PSD3: variants seen among roughly 807,000 people sequenced by gnomAD.
PSD3 encodes the protein pleckstrin and Sec7 domain containing 3, also known as PH and SEC7 domain-containing protein 3.
Under a neutral mutation model 105.5 loss-of-function variants are expected in PSD3, and 49 were observed. The observed-to-expected ratio is 0.46, with a 90% CI of 0.37 to 0.59. PSD3 has a LOEUF of 0.59. Ranked by LOEUF, PSD3 falls within the 20% of genes least tolerant of loss-of-function variation. The pLI is 0.00. For synonymous variants in PSD3, 557 were observed against 457.8 expected (o/e 1.22, Z -2.77); for missense variants, 1,561 against 1,263.8 (o/e 1.24, Z -3.57).
rs1371630122 is a variant in PSD3, at chr8:18,804,943, T to A, written c.1635-45A>T. On this transcript the variant is annotated intron_variant, in intron 4 of 15. Transcript: ENST00000327040. ...GAGAAAATAATAGATTTTTCTTATATGGCAAAAAGGAAAATATCTGATGAA... is the reference window on the plus strand; with the variant it reads ...GAGAAAATAATAGATTTTTCTTATAAGGCAAAAAGGAAAATATCTGATGAA... 2.1e-6 allele frequency: 3 copies of A among 1,440,260 alleles called. No individual in the cohort carries two copies. In the South Asian group the frequency reaches 3.9e-5, roughly 18 times the overall value. The allele number at this position is 1,440,260 out of a possible 1,614,324, so 89.2% of individuals were successfully genotyped here. A position where few individuals can be genotyped will look rare whatever the true frequency, so the allele number is the denominator to read the frequency against.
At chr8:18,757,604 A>G (rs959907622) in intron 9 of PSD3, among the ~76,000 whole-genome samples, 1 of 152,244 alleles carries the variant, frequency 6.6e-6, no homozygotes, top group African/African-American at 2.4e-5. Context: ...AGGAAGCTCT[A>G]AATAATTCAA....
In PSD3 at chr8:18,913,120, CACACT is replaced by C. The variant is rs1381850514; in HGVS notation, c.130+22909_130+22913del. Among the ~76,000 whole-genome samples the C allele has an allele frequency of 8.0e-4, 110 of 138,204 alleles. 1 individual carries two copies. The South Asian group carries it at 0.015, about 18-fold the overall frequency. The allele number at this position is 138,204 out of a possible 152,430, so 90.7% of individuals were successfully genotyped here. A position where few individuals can be genotyped will look rare whatever the true frequency, so the allele number is the denominator to read the frequency against. On this transcript the variant is annotated intron_variant, in intron 2 of 15. Transcript: ENST00000327040. ...ACACACACACACACACACACACACACACACTCTCCTTCTCCTATTTCAATGCATTC... is the reference window on the plus strand; with the variant it reads ...ACACACACACACACACACACACACACCTCCTTCTCCTATTTCAATGCATTC...
chr8:18,991,168 A>G (rs1378652485), intron 1 of PSD3, among the ~76,000 whole-genome samples: 3 of 152,146 alleles, frequency 2.0e-5, no homozygotes, highest in African/African-American at 4.8e-5. Flanking sequence ...TAGCAAGTCA[A>G]ATTTAATACT....
chr8:18,885,921 G>GT (rs1563384833), intron 2 of PSD3, among the ~76,000 whole-genome samples: 1 of 152,142 alleles, frequency 6.6e-6, no homozygotes, highest in Non-Finnish European at 1.5e-5. Context: ...CTCAACTAGC[G>GT]TGTTTCCAGA....
chr8:18,902,547 T>G (rs1819572337), intron 2 of PSD3, among the ~76,000 whole-genome samples: 1 of 152,214 alleles, frequency 6.6e-6, no homozygotes, highest in South Asian at 2.1e-4. Flanking sequence ...TGGTGTCATA[T>G]TTCCTTGCCT....
intron 8 of PSD3, among the ~76,000 whole-genome samples, chr8:18,765,949 C>T (rs1806954475): frequency 6.9e-6 from 1 of 144,568 alleles, no homozygotes; most frequent in African/African-American, 2.5e-5. Context: ...GCGTGGGTGA[C>T]AGAGCGAGAC....
In PSD3 at chr8:18,930,829, A is replaced by T. The variant is rs6990508; in HGVS notation, c.130+5205T>A. ...GTGATCTGCCCGACTTGGCCTCCCA[A>T]AGTGCTGGGATTACAGGCATGAGCC... On this transcript the variant is annotated intron_variant, in intron 2 of 15. Coordinates refer to ENST00000327040, the MANE Select transcript of PSD3 (RefSeq NM_015310.4). Among the ~76,000 whole-genome samples, 663 of 152,172 alleles carry T rather than the reference A, an allele frequency of 4.4e-3. 5 individuals carry two copies. Among genetic ancestry groups the T allele is most frequent in the African/African-American group, 0.015 (631 of 41,520 alleles).
chr8:18,883,141 G>C (rs1291205200), intron 2 of PSD3, among the ~76,000 whole-genome samples: 3 of 152,090 alleles, frequency 2.0e-5, no homozygotes, highest in Non-Finnish European at 4.4e-5. Flanking sequence ...GAGAATCCCA[G>C]AGGATTTGTA....
At chr8:18,895,725 CAT>C (rs1819104456) in intron 2 of PSD3, among the ~76,000 whole-genome samples, 1 of 152,176 alleles carries the variant, frequency 6.6e-6, no homozygotes, top group African/African-American at 2.4e-5. Flanking sequence ...TTTCCACACA[CAT>C]ATATGATGTG....
chr8:18,681,375 G>A (rs1471059359), intron 9 of PSD3, among the ~76,000 whole-genome samples: 15 of 150,770 alleles, frequency 9.9e-5, no homozygotes, highest in African/African-American at 3.4e-4. Context: ...GGGAGGCAGA[G>A]GTGGAAGGAC....
chr8:18,991,510 T>C (rs1056550045), intron 1 of PSD3, among the ~76,000 whole-genome samples: 1 of 152,054 alleles, frequency 6.6e-6, no homozygotes, highest in Non-Finnish European at 1.5e-5. Flanking sequence ...CTTTTATTGA[T>C]AGCTGAACCA....
At position 18,831,235 on chromosome 8, in the gene PSD3, G is replaced by C. The variant is rs151085940; in HGVS notation, c.1635-26337C>G. Among the ~76,000 whole-genome samples, 478 of 152,314 alleles carry C rather than the reference G, an allele frequency of 3.1e-3. 3 individuals are homozygous for C. The highest frequency in any genetic ancestry group is 0.011 in the African/African-American group (468 of 41,568). On this transcript the variant is annotated intron_variant, in intron 4 of 15. Coordinates refer to ENST00000327040, the MANE Select transcript of PSD3 (RefSeq NM_015310.4). ...ACATCTCAGCTTCCTCATCTGTAAA[G>C]TGAAAGTATTAAATACACACCCTTC... is the stretch of plus-strand genomic sequence containing the variant.
At chr8:18,944,247 C>T (rs1822724884) in intron 1 of PSD3, among the ~76,000 whole-genome samples, 1 of 152,152 alleles carries the variant, frequency 6.6e-6, no homozygotes, top group South Asian at 2.1e-4. Flanking sequence ...CAGGTTTCAC[C>T]ACTGAGAAAC....
chr8:18,850,488 G>C (rs1815474138), intron 4 of PSD3, among the ~76,000 whole-genome samples: 1 of 152,164 alleles, frequency 6.6e-6, no homozygotes, highest in African/African-American at 2.4e-5. Flanking sequence ...TTAACACCCT[G>C]TCACCCTTAA....
intron 9 of PSD3, among the ~76,000 whole-genome samples, chr8:18,740,997 C>T (rs543574808): frequency 6.6e-6 from 1 of 151,954 alleles, no homozygotes; most frequent in East Asian, 1.9e-4. Context: ...TGGTGCAAAG[C>T]CAAAAATGAA....
intron 8 of PSD3, among the ~76,000 whole-genome samples, chr8:18,785,253 G>A (rs1809030032): frequency 6.6e-6 from 1 of 152,104 alleles, no homozygotes. Flanking sequence ...ATTATAAAAT[G>A]TTCTTCCTTG....
At chr8:18,916,321 T>G (rs1294180216) in intron 2 of PSD3, among the ~76,000 whole-genome samples, 2 of 51,944 alleles carry the variant, frequency 3.9e-5, no homozygotes, top group South Asian at 5.6e-4. Context: ...TATATATATA[T>G]ATATATATAT....
chr8:19,025,763 C>T (rs926501757), intron 1 of PSD3, among the ~76,000 whole-genome samples: 1 of 152,140 alleles, frequency 6.6e-6, no homozygotes, highest in Non-Finnish European at 1.5e-5. Flanking sequence ...TTTCAGGATT[C>T]CCAGTTGGCA....
intron 8 of PSD3, among the ~76,000 whole-genome samples, chr8:18,797,741 G>C (rs1492285): frequency 6.6e-6 from 1 of 152,072 alleles, no homozygotes; most frequent in Non-Finnish European, 1.5e-5. Flanking sequence ...AGCTCTAAGA[G>C]ATCTGCAACC....
Sources: gnomAD v4.1 joint callset for allele counts (sites outside exome capture counted in the v4.1 genomes callset) on GRCh38, gnomAD v4.1.1 for gene constraint, MANE v1.5 for transcripts, NCBI Gene and HGNC (gene_info 2026-07-23, HGNC 2026-07-21) for gene names.